The following USP35 variants were observed in gnomAD, a reference collection of about 807,000 sequenced individuals.
USP35 encodes the protein ubiquitin specific peptidase 35.
A neutral mutation model predicts 83.8 loss-of-function variants in USP35; 69 were observed. The observed-to-expected ratio is 0.82, with a 90% CI of 0.68 to 1.01. USP35 has a LOEUF of 1.01. Among genes scored for constraint, USP35 ranks in the 50% least tolerant of loss-of-function variants. The pLI is 0.00. For missense variants in USP35, 1,503 were observed against 1,362.5 expected, an observed-to-expected ratio of 1.10 and a Z score of -1.62; for synonymous variants, 714 against 589.5, an observed-to-expected ratio of 1.21 and a Z score of -3.06.
In USP35 at chr11:78,212,031, A is replaced by G. The variant is rs1425994158; in HGVS notation, c.2889+1287A>G. Among the ~76,000 whole-genome samples, 3 of 152,206 alleles carry G rather than the reference A, an allele frequency of 2.0e-5. No individual in the cohort carries two copies. The East Asian group carries it at 5.8e-4, about 29-fold the overall frequency. ...ATCTTTGCCTATGCCTATGTCCTGAATGGTATTTCCTAGATTTTCTTCTAG... is the reference window on the plus strand; with the variant it reads ...ATCTTTGCCTATGCCTATGTCCTGAGTGGTATTTCCTAGATTTTCTTCTAG... On this transcript the variant is annotated intron_variant, in intron 10 of 10. Transcript: ENST00000529308.
At chr11:78,219,390 T>A (rs752327819), downstream of USP35, 16 of 1,613,776 alleles carry the variant, frequency 9.9e-6, no homozygotes, top group Non-Finnish European at 1.4e-5. Context: ...CACCTTCTCA[T>A]CAGAGGTGAC....
chr11:78,201,869 TGGGTGGGGTGAAGGGGTCTAGGTA>T (rs1038307312), intron 6 of USP35, among the ~76,000 whole-genome samples: 1 of 151,978 alleles, frequency 6.6e-6, no homozygotes, highest in Non-Finnish European at 1.5e-5. Context: ...GAAGGCAGGT[TGGGTGGGGTGAAGGGGTCTAGGTA>T]GGTGGCCCTT....
At chr11:78,226,458 T>A in the USP35 span, 1 of 1,607,404 alleles carries the variant, frequency 6.2e-7, no homozygotes. Flanking sequence ...CTAGGACTTA[T>A]ACTGACCTCG....
At chr11:78,202,346 C>G (rs776989135) in intron 6 of USP35, among the ~76,000 whole-genome samples, 1 of 152,222 alleles carries the variant, frequency 6.6e-6, no homozygotes, top group Non-Finnish European at 1.5e-5. Flanking sequence ...GGAAACTTTT[C>G]TGGCTTCGTC....
intron 1 of USP35, among the ~76,000 whole-genome samples, chr11:78,191,129 G>C (rs1862992130): frequency 6.6e-6 from 1 of 152,128 alleles, no homozygotes; most frequent in African/African-American, 2.4e-5. Flanking sequence ...CCAGGGCGTG[G>C]CAGTGGGGCT....
intron 7 of USP35, among the ~76,000 whole-genome samples, chr11:78,207,050 G>T (rs543471125): frequency 6.6e-6 from 1 of 152,340 alleles, no homozygotes; most frequent in South Asian, 2.1e-4. Flanking sequence ...CCTGACAGGG[G>T]CTGTAGGAGT....
downstream of USP35, chr11:78,217,247 T>G (rs1264110023): frequency 1.3e-5 from 2 of 152,346 alleles, no homozygotes; most frequent in African/African-American, 4.8e-5. Flanking sequence ...GTCCTTGTCC[T>G]TTTTCTGATT....
intron 6 of USP35, among the ~76,000 whole-genome samples, chr11:78,202,758 T>C (rs573194569): frequency 5.6e-4 from 86 of 152,250 alleles, no homozygotes; most frequent in African/African-American, 1.0e-3. Flanking sequence ...TGGAGGTGGA[T>C]GAGGAGGACT....
intron 6 of USP35, 46 bp downstream of exon 6, chr11:78,200,854 G>GT: frequency 6.4e-7 from 1 of 1,554,110 alleles, no homozygotes; most frequent in Non-Finnish European, 8.7e-7. Context: ...TCTGACAAAG[G>GT]TACCAGTGTG....
chr11:78,209,523 G>A lies in USP35; in HGVS notation c.1668G>A (p.Glu556=). ...LKQSSSPSPP[E]EPPAPSSTSV... Reference sequence around the variant, plus strand: ...AGTCCAGCTCGCCCTCTCCGCCCGAGGAGCCCCCGGCCCCAAGTTCAACCT... The same window carrying A: ...AGTCCAGCTCGCCCTCTCCGCCCGAAGAGCCCCCGGCCCCAAGTTCAACCT... The change falls in exon 10 of 11, where the codon GAG becomes GAA. Residue 556 remains glutamate (E), a synonymous_variant. Transcript: ENST00000529308. The A allele has an allele frequency of 6.2e-7, 1 of 1,614,092 alleles. No homozygotes were observed. The highest frequency in any genetic ancestry group is 2.2e-5 in the East Asian group (1 of 44,866).
In USP35 at chr11:78,215,217, C is replaced by T. The variant is rs1005413821; in HGVS notation, c.*1404C>T. On this transcript the variant is annotated 3_prime_UTR_variant, in exon 11 of 11. Coordinates refer to ENST00000529308, the MANE Select transcript of USP35 (RefSeq NM_020798.4). ...AATACCCAATTATTTCCAAATAAAG[C>T]AAAAATTGGAACAGACTGGAGTGAG... The T allele has an allele frequency of 5.9e-5, 9 of 152,452 alleles. No individual in the cohort carries two copies. Among genetic ancestry groups the T allele is most frequent in the African/African-American group, 2.2e-4 (9 of 41,402 alleles). 9.4% of individuals were successfully genotyped at this position (152,452 alleles called of 1,614,324 possible).
intron 3 of USP35, chr11:78,198,839 C>T (rs957720981): frequency 9.7e-6 from 3 of 310,622 alleles, no homozygotes; most frequent in Non-Finnish European, 1.4e-5. Flanking sequence ...CCAAACCCAT[C>T]ATCTAGGGTT....
intron 1 of USP35, among the ~76,000 whole-genome samples, chr11:78,195,378 A>AG (rs1431368451): frequency 1.3e-5 from 2 of 152,186 alleles, no homozygotes; most frequent in African/African-American, 2.4e-5. Context: ...GTCAGGCAGA[A>AG]GGCACAGCAC....
chr11:78,213,958 T>C lies in USP35; in HGVS notation c.*145T>C, dbSNP rs528943857. 11 of 883,520 alleles carry C rather than the reference T, an allele frequency of 1.2e-5. No individual in the cohort carries two copies. The highest frequency in any genetic ancestry group is 1.8e-5 in the Non-Finnish European group (11 of 627,438). The allele number at this position is 883,520 out of a possible 1,614,324, so 54.7% of individuals were successfully genotyped here. On this transcript the variant is annotated 3_prime_UTR_variant, in exon 11 of 11. Transcript: ENST00000529308. ...AGCCTGATGAAGGGTACACAGAGAT[T>C]CTCTCAGATATGGAAGTAAGACCTA...
Position 78,209,382 on chromosome 11 carries a change from G to T in USP35, c.1593-66G>T. ...CTGTTGGGGAAGGTAAATGGGCATG[G>T]ATAAGCTGAGTGCCCCGGAAGGGGA... On this transcript the variant is annotated intron_variant, in intron 9 of 10. Coordinates refer to ENST00000529308, the MANE Select transcript of USP35 (RefSeq NM_020798.4). The T allele has an allele frequency of 2.0e-6, 3 of 1,471,514 alleles. No homozygotes were observed. In the East Asian group the frequency reaches 7.4e-5, roughly 36 times the overall value. The allele number at this position is 1,471,514 out of a possible 1,614,324, so 91.2% of individuals were successfully genotyped here.
chr11:78,206,802 C>G (rs1171942115), intron 7 of USP35, among the ~76,000 whole-genome samples: 1 of 152,178 alleles, frequency 6.6e-6, no homozygotes, highest in Non-Finnish European at 1.5e-5. Context: ...GTTCTGAGAC[C>G]CAGAGCTGCT....
At chr11:78,199,560 C>T (rs2137033927) in intron 3 of USP35, 35 bp from the exon 4 acceptor site, 1 of 1,613,834 alleles carries the variant, frequency 6.2e-7, no homozygotes, top group Non-Finnish European at 8.5e-7. Flanking sequence ...TTTGGGTGTC[C>T]CTTGTCCCTG....
Position 78,210,677 on chromosome 11 carries a change from G to T in USP35, c.2822G>T (p.Arg941Leu). 1.9e-6 allele frequency: 3 copies of T among 1,609,304 alleles called. No homozygotes were observed. The highest frequency in any genetic ancestry group is 2.2e-5 in the East Asian group (1 of 44,802). Residue 941 changes from arginine (R) to leucine (L), a missense_variant, in exon 10 of 11, where the codon CGG (arginine) becomes CTG (leucine). Coordinates refer to ENST00000529308, the MANE Select transcript of USP35 (RefSeq NM_020798.4). ...PEAELGSSRV[R>L]TEPTLHKDLM... ...GCTGAGTTGGGCTCTTCTAGAGTCC[G>T]GACAGAGCCCACCCTGCACAAGGAC...
chr11:78,194,364 C>T (rs1863083099), intron 1 of USP35, among the ~76,000 whole-genome samples: 2 of 152,094 alleles, frequency 1.3e-5, no homozygotes, highest in African/African-American at 4.8e-5. Context: ...GTTGGGGTTC[C>T]AGAATATCTG....
Sources: allele counts gnomAD v4.1 joint callset (sites outside exome capture counted in the v4.1 genomes callset), GRCh38; gene constraint gnomAD v4.1.1; transcripts MANE v1.5; gene names NCBI Gene and HGNC (gene_info 2026-07-23, HGNC 2026-07-21).